Variants in PTPRD observed in about 807,000 individuals in gnomAD.
The protein encoded by PTPRD is receptor-type tyrosine-protein phosphatase delta.
A neutral mutation model predicts 214.5 loss-of-function variants in PTPRD; 34 were observed. The observed-to-expected ratio is 0.16, with a 90% CI of 0.12 to 0.21. PTPRD has a LOEUF of 0.21. PTPRD is among the 10% of genes least tolerant of loss of function. The pLI, the probability that PTPRD is intolerant of heterozygous loss-of-function variation, is 1.00. For synonymous variants in PTPRD, 1,128 were observed against 845.7 expected (o/e 1.33, Z -5.79); for missense variants, 2,545 against 2,398.7 (o/e 1.06, Z -1.27).
At chr9:8,478,439 C>G (rs910501737) in intron 30 of PTPRD, among the ~76,000 whole-genome samples, 1 of 152,078 alleles carries the variant, frequency 6.6e-6, no homozygotes, top group Non-Finnish European at 1.5e-5. Flanking sequence ...TTCTTTATTT[C>G]AATTTTTTAT....
chr9:9,579,655 T>C (rs942059193), intron 7 of PTPRD, among the ~76,000 whole-genome samples: 1 of 152,124 alleles, frequency 6.6e-6, no homozygotes, highest in Non-Finnish European at 1.5e-5. Flanking sequence ...TACAGTTGAG[T>C]TTTAAGCACA....
At chr9:8,542,100 G>T (rs564510268) in intron 14 of PTPRD, among the ~76,000 whole-genome samples, 1 of 152,098 alleles carries the variant, frequency 6.6e-6, no homozygotes, top group Non-Finnish European at 1.5e-5. Context: ...ATTAGAAAAA[G>T]GGTTTCAGGC....
At chr9:9,098,902 C>T (rs1287266283) in intron 10 of PTPRD, among the ~76,000 whole-genome samples, 1 of 152,036 alleles carries the variant, frequency 6.6e-6, no homozygotes, top group Admixed American at 6.6e-5. Context: ...ATTCTGAAAA[C>T]AACTGTGATA....
intron 9 of PTPRD, among the ~76,000 whole-genome samples, chr9:9,243,857 T>A (rs991458773): frequency 3.9e-5 from 6 of 152,172 alleles, no homozygotes; most frequent in African/African-American, 1.4e-4. Context: ...ATTGTCCCTG[T>A]TTGCAGGTGA....
At chr9:8,577,418 G>GA (rs955626175) in intron 14 of PTPRD, among the ~76,000 whole-genome samples, 13 of 152,142 alleles carry the variant, frequency 8.5e-5, no homozygotes, top group Admixed American at 2.6e-4. Context: ...ACCACACCCA[G>GA]AAAAAATTGT....
intron 11 of PTPRD, among the ~76,000 whole-genome samples, chr9:8,856,682 G>C (rs2097921348): frequency 6.6e-6 from 1 of 152,296 alleles, no homozygotes; most frequent in East Asian, 1.9e-4. Flanking sequence ...TTGGCAAGTA[G>C]CGTACTGGGA....
chr9:10,157,672 G>C (rs72696936), intron 3 of PTPRD, among the ~76,000 whole-genome samples: 8,187 of 152,088 alleles, frequency 0.054, 318 homozygotes, highest in Admixed American at 0.1. Context: ...AAATGTAAAT[G>C]TTGGCCTTTC....
chr9:9,789,822 A>ATT (rs2098954714), intron 5 of PTPRD, among the ~76,000 whole-genome samples: 1 of 151,250 alleles, frequency 6.6e-6, no homozygotes, highest in Non-Finnish European at 1.5e-5. Context: ...AAAAAAAAAA[A>ATT]AAATTAAATC....
At chr9:8,822,836 G>A (rs1246955581) in intron 11 of PTPRD, among the ~76,000 whole-genome samples, 7 of 151,956 alleles carry the variant, frequency 4.6e-5, no homozygotes, top group Non-Finnish European at 1.0e-4. Context: ...AACCACCAGT[G>A]CTGCAGTCAT....
At chr9:9,312,566 T>C (rs1959486860) in intron 9 of PTPRD, among the ~76,000 whole-genome samples, 1 of 152,118 alleles carries the variant, frequency 6.6e-6, no homozygotes, top group African/African-American at 2.4e-5. Context: ...CCCAAAGATG[T>C]GCATGTTAGG....
chr9:9,605,000 G>A (rs111327508), intron 7 of PTPRD, among the ~76,000 whole-genome samples: 1 of 151,938 alleles, frequency 6.6e-6, no homozygotes, highest in Non-Finnish European at 1.5e-5. Context: ...TCTCAACTGT[G>A]AAATATATGC....
chr9:9,629,238 G>GTATATAAA (rs2095515032), intron 7 of PTPRD, among the ~76,000 whole-genome samples: 1 of 140,372 alleles, frequency 7.1e-6, no homozygotes, highest in African/African-American at 2.8e-5. Flanking sequence ...GTGTGTGTGT[G>GTATATAAA]TATATATATA....
At chr9:9,052,411 T>C (rs546549933) in intron 10 of PTPRD, among the ~76,000 whole-genome samples, 2 of 152,196 alleles carry the variant, frequency 1.3e-5, no homozygotes, top group South Asian at 2.1e-4. Flanking sequence ...TAATAGTAGA[T>C]TGAATACAAG....
chr9:10,226,783 G>C (rs963597928), intron 3 of PTPRD, among the ~76,000 whole-genome samples: 1 of 151,980 alleles, frequency 6.6e-6, no homozygotes, highest in Admixed American at 6.6e-5. Context: ...ACTCATCAGG[G>C]AACAGGGATA....
At chr9:8,563,301 G>A (rs1051474654) in intron 14 of PTPRD, among the ~76,000 whole-genome samples, 1 of 152,136 alleles carries the variant, frequency 6.6e-6, no homozygotes, top group African/African-American at 2.4e-5. Context: ...CTATGCATAT[G>A]TCAAAACTAT....
intron 3 of PTPRD, among the ~76,000 whole-genome samples, chr9:10,259,546 C>G (rs1350284352): frequency 6.6e-6 from 1 of 152,142 alleles, no homozygotes; most frequent in Non-Finnish European, 1.5e-5. Flanking sequence ...CAGCCCAAGA[C>G]AGTTCCTGAC....
chr9:8,713,406 C>A (rs2098387688), intron 12 of PTPRD: 1 of 1,099,412 alleles, frequency 9.1e-7, no homozygotes, highest in Non-Finnish European at 1.4e-6. Context: ...GCATGCGAAT[C>A]TTTGCACCTA....
At chr9:8,717,255 G>A (rs192512237) in intron 12 of PTPRD, among the ~76,000 whole-genome samples, 4 of 152,130 alleles carry the variant, frequency 2.6e-5, no homozygotes, top group Admixed American at 6.5e-5. Flanking sequence ...AGGTGTGTTG[G>A]GGGGAGAAGC....
intron 11 of PTPRD, among the ~76,000 whole-genome samples, chr9:8,912,029 G>C (rs1351801078): frequency 6.6e-6 from 1 of 152,174 alleles, no homozygotes; most frequent in African/African-American, 2.4e-5. Flanking sequence ...GATGTGGAGA[G>C]AGTGGAATAC....
Sources: allele counts gnomAD v4.1 joint callset (sites outside exome capture counted in the v4.1 genomes callset), GRCh38; gene constraint gnomAD v4.1.1; transcripts MANE v1.5; gene names NCBI Gene and HGNC (gene_info 2026-07-23, HGNC 2026-07-21).